The following RNFT2 variants were observed in gnomAD, a reference collection of about 807,000 sequenced individuals.
The protein encoded by RNFT2 is E3 ubiquitin-protein ligase RNFT2.
RNFT2 carries 36 observed loss-of-function variants against 53.0 expected under a neutral mutation model. The ratio of observed to expected loss-of-function variants is 0.68; its 90% confidence interval spans 0.52 to 0.90. RNFT2 has a LOEUF of 0.90. RNFT2 is among the 40% of genes least tolerant of loss of function. The pLI is 0.00. For synonymous variants in RNFT2, 260 were observed against 253.2 expected, an observed-to-expected ratio of 1.03 and a Z score of -0.26; for missense variants, 514 against 585.6, an observed-to-expected ratio of 0.88 and a Z score of 1.26.
chr12:116,802,679 T>G (rs1874855390), intron 7 of RNFT2, among the ~76,000 whole-genome samples: 1 of 152,144 alleles, frequency 6.6e-6, no homozygotes, highest in Non-Finnish European at 1.5e-5. Flanking sequence ...CAGCCAACAC[T>G]TTGATTTGGG....
chr12:116,842,802 G>A (rs1281060631), intron 10 of RNFT2, among the ~76,000 whole-genome samples: 1 of 152,128 alleles, frequency 6.6e-6, no homozygotes, highest in Non-Finnish European at 1.5e-5. Flanking sequence ...ACAAACTCCT[G>A]GCCTCAAGTG....
rs1380557700 is a variant in RNFT2 at position 116,852,545 on chromosome 12, A to G, written c.*3097A>G. ...AGGGGAAGCAGAGGGAAATGGGGCC[A>G]TGTGAATGCAGCTGCTCTGTTCTCC... On this transcript the variant is annotated 3_prime_UTR_variant, in exon 11 of 11. Coordinates refer to ENST00000257575, the MANE Select transcript of RNFT2 (RefSeq NM_001382266.1). 34 of 1,592,026 alleles carry G rather than the reference A, an allele frequency of 2.1e-5. No individual in the cohort carries two copies. Among genetic ancestry groups the G allele is most frequent in the Non-Finnish European group, 2.9e-5 (34 of 1,168,236 alleles).
chr12:116,809,417 G>A (rs1262826197), intron 7 of RNFT2, among the ~76,000 whole-genome samples: 2 of 152,144 alleles, frequency 1.3e-5, no homozygotes, highest in East Asian at 1.9e-4. Flanking sequence ...TTTGAAGTCC[G>A]AGAAGATCCA....
intron 7 of RNFT2, among the ~76,000 whole-genome samples, chr12:116,796,542 A>G (rs1029511682): frequency 6.6e-6 from 1 of 152,182 alleles, no homozygotes; most frequent in African/African-American, 2.4e-5. Flanking sequence ...GGGAAGGTGG[A>G]CAAAAATAAG....
intron 10 of RNFT2, among the ~76,000 whole-genome samples, chr12:116,845,256 A>ATAT (rs1179838115): frequency 6.2e-5 from 7 of 113,570 alleles, no homozygotes; most frequent in African/African-American, 1.1e-4. Flanking sequence ...AAAAAAAAAA[A>ATAT]AAATATATAT....
chr12:116,751,821 C>T (rs1475459328), intron 4 of RNFT2, among the ~76,000 whole-genome samples: 6 of 151,846 alleles, frequency 4.0e-5, no homozygotes, highest in East Asian at 2.0e-4. Context: ...TGCAGTGGCA[C>T]GATCTCAGCT....
intron 5 of RNFT2, among the ~76,000 whole-genome samples, chr12:116,756,890 G>T (rs970931846): frequency 3.9e-5 from 6 of 152,070 alleles, no homozygotes; most frequent in African/African-American, 1.4e-4. Flanking sequence ...GTGGAATAAT[G>T]TTAAAAAGAT....
At chr12:116,789,688 G>A (rs1303752434) in intron 7 of RNFT2, among the ~76,000 whole-genome samples, 2 of 139,396 alleles carry the variant, frequency 1.4e-5, no homozygotes, top group African/African-American at 5.6e-5. Flanking sequence ...GAGAGTAGAG[G>A]GATGGATGGG....
chr12:116,746,559 G>A (rs1056039499), intron 3 of RNFT2, among the ~76,000 whole-genome samples: 3 of 152,148 alleles, frequency 2.0e-5, no homozygotes, highest in African/African-American at 7.2e-5. Flanking sequence ...TGACAGATGA[G>A]CGTGCATTAC....
At chr12:116,785,659 C>CAG (rs1488948554) in intron 7 of RNFT2, among the ~76,000 whole-genome samples, 1 of 152,120 alleles carries the variant, frequency 6.6e-6, no homozygotes, top group Non-Finnish European at 1.5e-5. Flanking sequence ...GGGCACTGGG[C>CAG]AGAGCTCTGT....
chr12:116,831,198 C>A (rs79950669), intron 7 of RNFT2, among the ~76,000 whole-genome samples: 185 of 142,440 alleles, frequency 1.3e-3, no homozygotes, highest in Admixed American at 1.3e-3. Context: ...CGTCTCTCTA[C>A]AAAAAAAAAA....
intron 7 of RNFT2, among the ~76,000 whole-genome samples, chr12:116,829,463 A>G (rs1366116458): frequency 6.6e-6 from 1 of 152,176 alleles, no homozygotes. Flanking sequence ...CAATGGCCTC[A>G]CAACTGGAGG....
chr12:116,798,267 G>A (rs940210603), intron 7 of RNFT2, among the ~76,000 whole-genome samples: 5 of 151,664 alleles, frequency 3.3e-5, no homozygotes, highest in African/African-American at 9.7e-5. Flanking sequence ...ATATATGTGC[G>A]TGTTCTTTTT....
At position 116,743,236 on chromosome 12, in the gene RNFT2, A is replaced by AAAC. The variant is rs1254246286; in HGVS notation, c.83+2144_83+2145insCAA. Among the ~76,000 whole-genome samples, 819 of 113,700 alleles carry AAAC rather than the reference A, an allele frequency of 7.2e-3. 161 individuals are homozygous for AAAC. The highest frequency in any genetic ancestry group is 0.012 in the Non-Finnish European group (648 of 52,622). 74.6% of individuals were successfully genotyped at this position (113,700 alleles called of 152,430 possible). A position where few individuals can be genotyped will look rare whatever the true frequency, so the allele number is the denominator to read the frequency against. ...TCTAAAAAAAAAAAAAAAAAAAAAA[A>AAAC]AAAAAAAACCGGTTAAAAAACACTC... is the stretch of plus-strand genomic sequence containing the variant. On this transcript the variant is annotated intron_variant, in intron 3 of 10. Coordinates refer to ENST00000257575, the MANE Select transcript of RNFT2 (RefSeq NM_001382266.1).
intron 7 of RNFT2, among the ~76,000 whole-genome samples, chr12:116,801,915 A>G (rs1874816382): frequency 6.6e-6 from 1 of 151,894 alleles, no homozygotes; most frequent in Admixed American, 6.6e-5. Context: ...TCCGCCTCCC[A>G]GGTTCAAGCG....
intron 5 of RNFT2, chr12:116,755,810 T>C (rs1250592081): frequency 6.4e-7 from 1 of 1,557,932 alleles, no homozygotes; most frequent in East Asian, 2.2e-5. Context: ...AACAACTCCA[T>C]GTTTTCTAAA....
At chr12:116,745,869 T>C (rs1312405208) in intron 3 of RNFT2, among the ~76,000 whole-genome samples, 2 of 152,168 alleles carry the variant, frequency 1.3e-5, no homozygotes, top group African/African-American at 4.8e-5. Context: ...AGCAAGGTTA[T>C]GGTCTTTGAC....
chr12:116,804,639 G>C (rs1017307731), intron 7 of RNFT2, among the ~76,000 whole-genome samples: 2 of 152,142 alleles, frequency 1.3e-5, no homozygotes, highest in African/African-American at 2.4e-5. Context: ...TTTTAGGATT[G>C]AGTAGCTTTA....
Position 116,743,232 on chromosome 12 carries a change from A to C in RNFT2, c.83+2138A>C, listed in dbSNP as rs540985881. Among the ~76,000 whole-genome samples the C allele has an allele frequency of 1.8e-4, 22 of 124,222 alleles. 1 individual carries two copies. Among genetic ancestry groups the C allele is most frequent in the African/African-American group, 6.7e-4 (22 of 33,040 alleles). 81.5% of individuals were successfully genotyped at this position (124,222 alleles called of 152,430 possible). On this transcript the variant is annotated intron_variant, in intron 3 of 10. Coordinates refer to ENST00000257575, the MANE Select transcript of RNFT2 (RefSeq NM_001382266.1). ...AGAATCTAAAAAAAAAAAAAAAAAAAAAAAAAAAAAAACCGGTTAAAAAAC... is the reference window on the plus strand; with the variant it reads ...AGAATCTAAAAAAAAAAAAAAAAAACAAAAAAAAAAAACCGGTTAAAAAAC...
Sources: gnomAD v4.1 joint callset for allele counts (sites outside exome capture counted in the v4.1 genomes callset) on GRCh38, gnomAD v4.1.1 for gene constraint, MANE v1.5 for transcripts, NCBI Gene and HGNC (gene_info 2026-07-23, HGNC 2026-07-21) for gene names.